Variants in FAM228A observed in about 807,000 individuals in gnomAD.
The protein encoded by FAM228A is family with sequence similarity 228 member A, also known as protein FAM228A.
In FAM228A, 13 loss-of-function variants were observed where a neutral mutation model predicts 18.6. The ratio of observed to expected loss-of-function variants is 0.70; its 90% CI spans 0.45 to 1.11. The LOEUF (loss-of-function observed/expected upper bound fraction) is 1.11. FAM228A is among the 50% of genes least tolerant of loss of function. The pLI is 0.00. For synonymous variants in FAM228A, 77 were observed against 86.6 expected (o/e 0.89, Z 0.61); for missense variants, 240 against 242.2 (o/e 0.99, Z 0.06).
intron 2 of FAM228A, among the ~76,000 whole-genome samples, chr2:24,176,760 G>T (rs1177973459): frequency 2.6e-5 from 4 of 152,162 alleles, no homozygotes; most frequent in African/African-American, 9.7e-5. Context: ...ATAGAAAGAA[G>T]AATCAGAAAT....
intron 5 of FAM228A, among the ~76,000 whole-genome samples, chr2:24,187,628 A>T (rs1667981056): frequency 6.6e-6 from 1 of 151,688 alleles, no homozygotes; most frequent in Non-Finnish European, 1.5e-5. Flanking sequence ...TTTTTTTTTT[A>T]GCTGTATCCA....
In FAM228A at chr2:24,190,941, T is replaced by A; in HGVS notation, c.*310T>A. The A allele has an allele frequency of 1.8e-6, 2 of 1,086,508 alleles. No homozygotes were observed. The highest frequency in any genetic ancestry group is 4.3e-5 in the South Asian group (1 of 23,336). The allele number at this position is 1,086,508 out of a possible 1,614,324, so 67.3% of individuals were successfully genotyped here. On this transcript the variant is annotated 3_prime_UTR_variant, in exon 6 of 6. Coordinates refer to ENST00000295150, the MANE Select transcript of FAM228A (RefSeq NM_001040710.3). ...CCGGGCCTTTGCCCTTCTGCCACTT[T>A]CCTACCATTTTCCACTTACTCCATC... is the stretch of plus-strand genomic sequence containing the variant.
chr2:24,183,572 A>G lies in FAM228A; in HGVS notation c.328A>G (p.Thr110Ala), dbSNP rs896957811. 1.6e-5 allele frequency: 26 copies of G among 1,613,994 alleles called. No individual in the cohort carries two copies. Among genetic ancestry groups the G allele is most frequent in the South Asian group, 1.1e-5 (1 of 91,070 alleles). The change falls in exon 5 of 6, where the codon ACT becomes GCT. Residue 110 changes from threonine (T) to alanine (A), a missense_variant. Physicochemically the swap from Thr to Ala is moderately conservative, Grantham distance 58. Coordinates refer to ENST00000295150, the MANE Select transcript of FAM228A (RefSeq NM_001040710.3). The part of the protein sequence containing the change: ...LHASSPYFTF[T>A]SHCVIPKEWH... The stretch of plus-strand genomic sequence containing the variant: ...TGCCAGCTCGCCCTACTTCACTTTC[A>G]CTTCACACTGTGTGATTCCAAAAGA...
chr2:24,183,298 C>A lies in FAM228A; in HGVS notation c.176C>A (p.Pro59Gln), dbSNP rs1190139383. 1 of 1,613,250 alleles carries A rather than the reference C, an allele frequency of 6.2e-7. No individual in the cohort carries two copies. ...TTTCTCTTGTAGGTTACAGTCCCAC[C>A]ATTTGTTGATCCTCTGTTTCAAAGA... ...ENSIVKVTVP[P>Q]FVDPLFQRQQ... is the part of the protein sequence containing the mutation. Residue 59 changes from proline to glutamine, a missense_variant, in exon 4 of 6, where the codon CCA (proline) becomes CAA (glutamine). Coordinates refer to ENST00000295150, the MANE Select transcript of FAM228A (RefSeq NM_001040710.3).
chr2:24,176,175 TACATA>T, intron 2 of FAM228A: 2 of 984,800 alleles, frequency 2.0e-6, no homozygotes, highest in African/African-American at 3.5e-5. Flanking sequence ...CTCAAGAATG[TACATA>T]ACATTTGTTA....
chr2:24,175,452 C>T lies in FAM228A; in HGVS notation c.-14-15C>T. 1 of 1,586,256 alleles carries T rather than the reference C, an allele frequency of 6.3e-7. No individual in the cohort carries two copies. The highest frequency in any genetic ancestry group is 8.7e-7 in the Non-Finnish European group (1 of 1,154,566). On this transcript the variant is annotated splice_polypyrimidine_tract_variant and intron_variant, in intron 1 of 5. Transcript: ENST00000295150. ...ACCGTCTTCCTCAGCCTCAGTTTACCTTTTCATCCCTCAGGGATTCTCCTG... is the reference window on the plus strand; with the variant it reads ...ACCGTCTTCCTCAGCCTCAGTTTACTTTTTCATCCCTCAGGGATTCTCCTG...
chr2:24,191,094 G>T lies in FAM228A; in HGVS notation c.*463G>T. The T allele has an allele frequency of 1.0e-6, 1 of 985,976 alleles. No individual in the cohort carries two copies. The highest frequency in any genetic ancestry group is 1.2e-6 in the Non-Finnish European group (1 of 830,270). The allele number at this position is 985,976 out of a possible 1,614,324, so 61.1% of individuals were successfully genotyped here. On this transcript the variant is annotated 3_prime_UTR_variant, in exon 6 of 6. Transcript: ENST00000295150. ...TGATATTTAAAAGGTATTTTTATAT[G>T]TAGGAATTTTCTGAGTATGGATTTC...
rs1573800977 is a variant in FAM228A at position 24,177,957 on chromosome 2, G to A, written c.162+87G>A. 16 of 818,012 alleles carry A rather than the reference G, an allele frequency of 2.0e-5. No individual in the cohort carries two copies. In the East Asian group the frequency reaches 2.1e-4, roughly 11 times the overall value. The allele number at this position is 818,012 out of a possible 1,614,324, so 50.7% of individuals were successfully genotyped here. Reference sequence around the variant, plus strand: ...AACATGGCCAAGAGTTTATGTCACCGTGATCCAAGAGACTCATTTTGCAGG... The same window carrying A: ...AACATGGCCAAGAGTTTATGTCACCATGATCCAAGAGACTCATTTTGCAGG... On this transcript the variant is annotated intron_variant, in intron 3 of 5. Coordinates refer to ENST00000295150, the MANE Select transcript of FAM228A (RefSeq NM_001040710.3).
In FAM228A at chr2:24,190,430, T is replaced by C. The variant is rs377425391; in HGVS notation, c.420T>C (p.Tyr140=). The C allele has an allele frequency of 2.2e-5, 36 of 1,613,156 alleles. No homozygotes were observed. Among genetic ancestry groups the C allele is most frequent in the Non-Finnish European group, 3.0e-5 (35 of 1,179,782 alleles). Reference sequence around the variant, plus strand: ...TTCACAGTCCTGAAAAGCTCATCTATGCAGACAAGAAACAGAAAAGAAAAG... The same window carrying C: ...TTCACAGTCCTGAAAAGCTCATCTACGCAGACAAGAAACAGAAAAGAAAAG... ...TYKYSPEKLI[Y]ADKKQKRKEK... is the part of the protein sequence containing the mutation. Residue 140 remains tyrosine, a synonymous_variant, in exon 6 of 6, where the codon TAT becomes TAC. Transcript: ENST00000295150.
chr2:24,190,001 ACTTCT>A (rs2151049934), intron 5 of FAM228A, among the ~76,000 whole-genome samples: 5 of 152,216 alleles, frequency 3.3e-5, no homozygotes, highest in African/African-American at 1.2e-4. Context: ...ACTCACCATT[ACTTCT>A]CTTCGTGAAC....
intron 3 of FAM228A, among the ~76,000 whole-genome samples, chr2:24,182,894 C>T (rs1022008084): frequency 2.0e-5 from 3 of 152,194 alleles, no homozygotes; most frequent in African/African-American, 7.2e-5. Context: ...ATTTAAGGCT[C>T]TGTACGACAT....
intron 3 of FAM228A, among the ~76,000 whole-genome samples, chr2:24,182,325 G>A (rs142051385): frequency 0.01 from 1,590 of 152,304 alleles, 38 homozygotes; most frequent in African/African-American, 0.036. Context: ...AGCCAGGTCA[G>A]TCATATGAAG....
rs765808714 is a variant in FAM228A, at chr2:24,183,338, TGAA to T, written c.219_221del (p.Glu74del). The T allele has an allele frequency of 3.1e-6, 5 of 1,614,108 alleles. No individual in the cohort carries two copies. The South Asian group carries it at 5.5e-5, about 18-fold the overall frequency. On this transcript the variant is annotated inframe_deletion, in exon 4 of 6. Coordinates refer to ENST00000295150, the MANE Select transcript of FAM228A (RefSeq NM_001040710.3). ...TGTTTCAAAGACAGCAAGAGGTGGATGAAGAGAGGAGAACTGGTCTTCAGTGTG... is the reference window on the plus strand; with the variant it reads ...TGTTTCAAAGACAGCAAGAGGTGGATGAGAGGAGAACTGGTCTTCAGTGTG...
Position 24,191,577 on chromosome 2 carries a change from T to G in FAM228A, c.*946T>G, listed in dbSNP as rs1668086566. The G allele has an allele frequency of 2.3e-6, 2 of 855,652 alleles. No homozygotes were observed. The highest frequency in any genetic ancestry group is 1.2e-4 in the Admixed American group (2 of 16,094). 53.0% of individuals were successfully genotyped at this position (855,652 alleles called of 1,614,324 possible). On this transcript the variant is annotated 3_prime_UTR_variant, in exon 6 of 6. Transcript: ENST00000295150. Reference sequence around the variant, plus strand: ...GCTATAGGTATTCATTGTGAAATGTTTGCCACAGTCAAGCTTGTTGACATA... The same window carrying G: ...GCTATAGGTATTCATTGTGAAATGTGTGCCACAGTCAAGCTTGTTGACATA...
intron 2 of FAM228A, among the ~76,000 whole-genome samples, chr2:24,176,398 T>G (rs1206780683): frequency 6.6e-6 from 1 of 152,226 alleles, no homozygotes; most frequent in Non-Finnish European, 1.5e-5. Context: ...TAGCCCAGGC[T>G]GGGGTGCAGT....
chr2:24,183,460 A>T (rs1443751067), intron 4 of FAM228A, 35 bp from the exon 5 acceptor site: 2 of 1,610,338 alleles, frequency 1.2e-6, no homozygotes, highest in Non-Finnish European at 1.7e-6. Flanking sequence ...GGAGTTCTTG[A>T]AGAGTGTTGA....
intron 5 of FAM228A, among the ~76,000 whole-genome samples, chr2:24,189,318 C>T (rs1668028652): frequency 6.6e-6 from 1 of 152,218 alleles, no homozygotes; most frequent in Non-Finnish European, 1.5e-5. Flanking sequence ...ACAGAAGTCC[C>T]ATCAACTTAA....
At chr2:24,175,419 C>T in intron 1 of FAM228A, 48 bp from the exon 2 acceptor site, 1 of 1,398,814 alleles carries the variant, frequency 7.1e-7, no homozygotes, top group Non-Finnish European at 1.0e-6. Context: ...GCCTGGCTCT[C>T]AACGGTAACC....
In FAM228A at chr2:24,190,879, G is replaced by A. The variant is rs1395555222; in HGVS notation, c.*248G>A. 6.7e-6 allele frequency: 8 copies of A among 1,200,188 alleles called. No individual in the cohort carries two copies. The highest frequency in any genetic ancestry group is 8.3e-6 in the Non-Finnish European group (8 of 965,684). The allele number at this position is 1,200,188 out of a possible 1,614,324, so 74.3% of individuals were successfully genotyped here. On this transcript the variant is annotated 3_prime_UTR_variant, in exon 6 of 6. Transcript: ENST00000295150. ...CGAGGTGAGGGCCAACCTGGCCACA[G>A]GGGCTTTTCCCCCTGAGATTTCTTC...
Sources: gnomAD v4.1 joint callset for allele counts (sites outside exome capture counted in the v4.1 genomes callset) on GRCh38, gnomAD v4.1.1 for gene constraint, MANE v1.5 for transcripts, NCBI Gene and HGNC (gene_info 2026-07-23, HGNC 2026-07-21) for gene names.